Variants in CTNND2 observed in about 807,000 individuals in gnomAD.
CTNND2 encodes the protein catenin delta 2.
In CTNND2, 22 loss-of-function variants were observed where a neutral mutation model predicts 144.4. That is an observed-to-expected ratio of 0.15 (90% CI 0.11 to 0.22). CTNND2 has a LOEUF of 0.22. Ranked by LOEUF, CTNND2 falls within the 10% of genes least tolerant of loss-of-function variation. The pLI is 1.00. For missense variants in CTNND2, 1,353 were observed against 1,618.8 expected (o/e 0.84, Z 2.82); for synonymous variants, 751 against 695.6 (o/e 1.08, Z -1.25).
intron 9 of CTNND2, among the ~76,000 whole-genome samples, chr5:11,274,072 T>C (rs1052889084): frequency 2.5e-4 from 38 of 152,074 alleles, no homozygotes; most frequent in African/African-American, 8.7e-4. Flanking sequence ...CATAAAGACT[T>C]CTCTTCAGAA....
intron 11 of CTNND2, among the ~76,000 whole-genome samples, chr5:11,165,769 AAAAATTCCTTAAT>A (rs1245001483): frequency 3.9e-5 from 6 of 152,228 alleles, no homozygotes; most frequent in Non-Finnish European, 8.8e-5. Context: ...TTGGTTTAAT[AAAAATTCCTTAAT>A]AAAACCTTAA....
At chr5:11,483,741 C>T (rs1018362734) in intron 3 of CTNND2, among the ~76,000 whole-genome samples, 8 of 152,084 alleles carry the variant, frequency 5.3e-5, no homozygotes, top group Non-Finnish European at 7.4e-5. Context: ...AAGTGACAAA[C>T]GAATGAATGA....
chr5:11,813,180 T>C (rs930914052), intron 1 of CTNND2, among the ~76,000 whole-genome samples: 2 of 152,244 alleles, frequency 1.3e-5, no homozygotes, highest in Admixed American at 1.3e-4. Context: ...TTGCCTACAG[T>C]ATTCAGTACA....
At chr5:11,436,272 C>G (rs996517820) in intron 3 of CTNND2, among the ~76,000 whole-genome samples, 1 of 151,990 alleles carries the variant, frequency 6.6e-6, no homozygotes, top group African/African-American at 2.4e-5. Flanking sequence ...AATTTTATAC[C>G]TGAAGAGAGA....
chr5:11,613,396 A>G (rs781497673), intron 2 of CTNND2, among the ~76,000 whole-genome samples: 21 of 152,318 alleles, frequency 1.4e-4, no homozygotes, highest in South Asian at 1.2e-3. Context: ...GAGAGATGTA[A>G]GCAAACCCTG....
In CTNND2 at chr5:11,427,346, C is replaced by T. The variant is rs557734257; in HGVS notation, c.288-15277G>A. ...ACGCTGAAGTGCAGTGGTGCCATCTCGGCTCACTGGAACCTTTGCCTCCCA... is the reference window on the plus strand; with the variant it reads ...ACGCTGAAGTGCAGTGGTGCCATCTTGGCTCACTGGAACCTTTGCCTCCCA... On this transcript the variant is annotated intron_variant, in intron 3 of 21. Transcript: ENST00000304623. Among the ~76,000 whole-genome samples the T allele has an allele frequency of 5.4e-5, 8 of 147,510 alleles. No homozygotes were observed. In the South Asian group the frequency reaches 1.3e-3, roughly 24 times the overall value.
intron 11 of CTNND2, among the ~76,000 whole-genome samples, chr5:11,181,943 T>G (rs200743598): frequency 3.1e-4 from 44 of 139,928 alleles, no homozygotes; most frequent in East Asian, 2.0e-3. Context: ...GGTGTGTGTG[T>G]GGGGGGGTGC....
intron 1 of CTNND2, among the ~76,000 whole-genome samples, chr5:11,776,672 T>G (rs962956615): frequency 2.6e-5 from 4 of 152,162 alleles, no homozygotes; most frequent in African/African-American, 9.7e-5. Flanking sequence ...GATCAGGGAT[T>G]TCCACCCAGA....
intron 12 of CTNND2, among the ~76,000 whole-genome samples, chr5:11,158,536 G>A (rs1453016194): frequency 1.3e-5 from 2 of 152,156 alleles, no homozygotes; most frequent in Non-Finnish European, 2.9e-5. Context: ...ATTCGTGGAG[G>A]CAGGCTCTTA....
At chr5:11,191,999 G>C (rs61751802) in intron 11 of CTNND2, among the ~76,000 whole-genome samples, 4,594 of 152,220 alleles carry the variant, frequency 0.03, 113 homozygotes, top group Non-Finnish European at 0.047. Flanking sequence ...CTCTCACCGT[G>C]GTGTCAGGTC....
In CTNND2 at chr5:11,082,762, C is replaced by G. The variant is rs757740810; in HGVS notation, c.2722G>C (p.Val908Leu). 6 of 1,614,200 alleles carry G rather than the reference C, an allele frequency of 3.7e-6. No homozygotes were observed. The highest frequency in any genetic ancestry group is 5.1e-6 in the Non-Finnish European group (6 of 1,180,036). Residue 908 changes from valine to leucine, a missense_variant, in exon 16 of 22, where the codon GTG becomes CTG. Val to Leu is a conservative substitution (Grantham distance 32, BLOSUM62 1). Around this residue, in one of 4 missense-constraint regions of CTNND2, gnomAD observed 459 missense variants for 674.3 expected, o/e 0.68. Transcript: ENST00000304623. The stretch of plus-strand genomic sequence containing the variant: ...AGCGCAGTGGCCACCGCGCACACCA[C>G]ACGGTCATTGTCTATTCGGAGCAGC... Reference protein sequence around the residue: ...VELLRIDNDRVVCAVATALRN... With the variant: ...VELLRIDNDRLVCAVATALRN...
chr5:11,783,475 T>C (rs4702828), intron 1 of CTNND2, among the ~76,000 whole-genome samples: 148,946 of 152,270 alleles, frequency 0.98, 72,927 homozygotes, highest in East Asian at 1. Context: ...TCTAGCCATG[T>C]ATGTGCTTCC....
intron 9 of CTNND2, among the ~76,000 whole-genome samples, chr5:11,268,692 G>C (rs576574100): frequency 5.9e-5 from 9 of 152,212 alleles, no homozygotes; most frequent in African/African-American, 2.2e-4. Context: ...ATTAAAAAAT[G>C]ATGTAATGAA....
chr5:11,650,213 C>T (rs901191548), intron 2 of CTNND2, among the ~76,000 whole-genome samples: 2 of 152,108 alleles, frequency 1.3e-5, no homozygotes, highest in Non-Finnish European at 2.9e-5. Context: ...AAGTGTGCAA[C>T]CCCTCCTCCT....
intron 2 of CTNND2, among the ~76,000 whole-genome samples, chr5:11,644,613 G>C (rs2126516144): frequency 6.6e-6 from 1 of 150,742 alleles, no homozygotes; most frequent in South Asian, 2.1e-4. Flanking sequence ...GCCGGAGCTT[G>C]CAGTGAGCCA....
At chr5:11,651,432 G>C (rs941127829) in intron 2 of CTNND2, among the ~76,000 whole-genome samples, 1 of 152,238 alleles carries the variant, frequency 6.6e-6, no homozygotes, top group African/African-American at 2.4e-5. Flanking sequence ...TCTACTAGGG[G>C]AGTGTGGAGG....
At chr5:11,532,009 C>T (rs1470547776) in intron 3 of CTNND2, among the ~76,000 whole-genome samples, 1 of 152,166 alleles carries the variant, frequency 6.6e-6, no homozygotes, top group Non-Finnish European at 1.5e-5. Context: ...GCAGCTGCCT[C>T]TGGACAACAC....
At chr5:11,628,292 C>A (rs1781257930) in intron 2 of CTNND2, among the ~76,000 whole-genome samples, 1 of 152,104 alleles carries the variant, frequency 6.6e-6, no homozygotes, top group South Asian at 2.1e-4. Flanking sequence ...TCATAATATG[C>A]ATATAAGACC....
chr5:11,424,121 C>A (rs1459094502), intron 3 of CTNND2, among the ~76,000 whole-genome samples: 1 of 152,118 alleles, frequency 6.6e-6, no homozygotes, highest in Non-Finnish European at 1.5e-5. Flanking sequence ...CATTAGAGTT[C>A]TATTCATAAT....
Sources: gnomAD v4.1 joint callset for allele counts (sites outside exome capture counted in the v4.1 genomes callset) on GRCh38, gnomAD v4.1.1 for gene constraint, gnomAD v4.1.1 regional missense constraint, MANE v1.5 for transcripts, NCBI Gene and HGNC (gene_info 2026-07-23, HGNC 2026-07-21) for gene names.